Variants in EPB41L4A observed in about 807,000 individuals in gnomAD.
EPB41L4A encodes the protein erythrocyte membrane protein band 4.1 like 4A, also known as band 4.1-like protein 4A.
EPB41L4A carries 100 observed loss-of-function variants against 108.6 expected under a neutral mutation model. The ratio of observed to expected loss-of-function variants is 0.92; its 90% confidence interval spans 0.78 to 1.09. EPB41L4A has a LOEUF of 1.09. EPB41L4A is among the 50% of genes least tolerant of loss of function. EPB41L4A has a pLI of 0.00. For synonymous variants in EPB41L4A, 319 were observed against 289.0 expected (o/e 1.10, Z -1.05); for missense variants, 1,030 against 842.7 (o/e 1.22, Z -2.75).
intron 1 of EPB41L4A, among the ~76,000 whole-genome samples, chr5:112,385,005 G>T (rs529268029): frequency 3.3e-5 from 5 of 152,302 alleles, no homozygotes; most frequent in African/African-American, 1.2e-4. Context: ...CCCACTTCAG[G>T]AAGACACTGG....
chr5:112,196,112 C>A (rs1377520799), intron 15 of EPB41L4A, among the ~76,000 whole-genome samples: 1 of 152,132 alleles, frequency 6.6e-6, no homozygotes, highest in Non-Finnish European at 1.5e-5. Context: ...AACTCAGCAA[C>A]CTACCTCATA....
intron 1 of EPB41L4A, among the ~76,000 whole-genome samples, chr5:112,365,048 C>T (rs186036201): frequency 9.2e-5 from 14 of 152,192 alleles, no homozygotes; most frequent in South Asian, 2.1e-4. Flanking sequence ...CTTGTTTGAC[C>T]GCTGTGTTTC....
rs1561444719 is a variant in EPB41L4A at position 112,169,010 on chromosome 5, A to T, written c.1835T>A (p.Val612Asp). 6.2e-7 allele frequency: 1 copy of T among 1,613,564 alleles called. No homozygotes were observed. The change falls in exon 21 of 23, where the codon GTT (valine) becomes GAT (aspartate). Residue 612 changes from valine (V) to aspartate (D), a missense_variant. Coordinates refer to ENST00000261486, the MANE Select transcript of EPB41L4A (RefSeq NM_022140.5). ...GCCCACTTACTTCACTTCCGAGAGA[A>T]CTGATCGCTCCCCATCTGAACACTG... is the stretch of plus-strand genomic sequence containing the variant. ...RSQCSDGERS[V>D]LSEVNSKTDL...
chr5:112,274,583 CT>C (rs758805439), intron 4 of EPB41L4A, among the ~76,000 whole-genome samples: 7 of 152,142 alleles, frequency 4.6e-5, no homozygotes, highest in Non-Finnish European at 1.0e-4. Context: ...AGGTATTAGG[CT>C]TTATTTTAGC....
At chr5:112,143,881 C>T (rs1268703615) in intron 13 of EPB41L4A, 3 of 455,438 alleles carry the variant, frequency 6.6e-6, no homozygotes, top group Admixed American at 2.4e-5. Context: ...AGAGTCTGCA[C>T]TGAAGACATA....
At chr5:112,274,448 C>T (rs1411922533) in intron 4 of EPB41L4A, among the ~76,000 whole-genome samples, 1 of 152,170 alleles carries the variant, frequency 6.6e-6, no homozygotes, top group African/African-American at 2.4e-5. Flanking sequence ...AATTAGCCTA[C>T]CCTCTTCTTA....
Position 112,204,444 on chromosome 5 carries a change from A to T in EPB41L4A, c.1307T>A (p.Phe436Tyr). ...SPSDRTKSPK[F>Y]PYTRRRNPSC... ...GGGGTTTCGGCGACGCGTGTAAGGGAACTTTGGCGACTTAGTGCGATCACT... is the reference window on the plus strand; with the variant it reads ...GGGGTTTCGGCGACGCGTGTAAGGGTACTTTGGCGACTTAGTGCGATCACT... Residue 436 changes from phenylalanine (F) to tyrosine (Y), a missense_variant, in exon 15 of 23, where the codon TTC becomes TAC. Transcript: ENST00000261486. 6.2e-7 allele frequency: 1 copy of T among 1,613,902 alleles called. No homozygotes were observed.
At chr5:112,227,557 A>T (rs1748556244) in intron 12 of EPB41L4A, among the ~76,000 whole-genome samples, 1 of 152,190 alleles carries the variant, frequency 6.6e-6, no homozygotes, top group Admixed American at 6.5e-5. Flanking sequence ...TTACATGTCT[A>T]GTACATGGAT....
intron 9 of EPB41L4A, among the ~76,000 whole-genome samples, chr5:112,258,491 T>C (rs909541885): frequency 6.6e-6 from 1 of 152,242 alleles, no homozygotes; most frequent in Admixed American, 6.5e-5. Context: ...ATGTATCCCA[T>C]AAATATGGAT....
At chr5:112,184,190 G>A in intron 17 of EPB41L4A, 55 bp from the exon 18 acceptor site, 2 of 1,593,742 alleles carry the variant, frequency 1.3e-6, no homozygotes, top group South Asian at 1.1e-5. Flanking sequence ...GCGCGTTTTA[G>A]GTTCATCCTA....
At chr5:112,171,336 G>A (rs956260317) in intron 18 of EPB41L4A, among the ~76,000 whole-genome samples, 18 of 152,134 alleles carry the variant, frequency 1.2e-4, no homozygotes, top group Non-Finnish European at 5.9e-5. Context: ...ATATTTGTAA[G>A]TAATGGTAAA....
intron 13 of EPB41L4A, among the ~76,000 whole-genome samples, 184 bp downstream of exon 13, chr5:112,209,708 G>A (rs889851438): frequency 6.6e-6 from 1 of 152,174 alleles, no homozygotes; most frequent in African/African-American, 2.4e-5. Context: ...AAGAGAGTCA[G>A]GTCCTGATGT....
chr5:112,252,799 C>T (rs921156284), intron 9 of EPB41L4A, among the ~76,000 whole-genome samples: 2 of 151,748 alleles, frequency 1.3e-5, no homozygotes, highest in African/African-American at 2.4e-5. Context: ...CACAATATAC[C>T]CATGTAACAA....
At position 112,332,212 on chromosome 5, in the gene EPB41L4A, CT is replaced by C. The variant is rs1284760812; in HGVS notation, c.100-24723del. ...GATAGTGAGAAGAATAAAACACAGT[CT>C]TTTTGTTTTTAGTTCTCTATTCCTA... is the stretch of plus-strand genomic sequence containing the variant. On this transcript the variant is annotated intron_variant, in intron 1 of 22. Coordinates refer to ENST00000261486, the MANE Select transcript of EPB41L4A (RefSeq NM_022140.5). 4.6e-5 allele frequency among the ~76,000 whole-genome samples: 7 copies of C among 152,298 alleles called. No individual in the cohort carries two copies. In the East Asian group the frequency reaches 1.4e-3, roughly 29 times the overall value.
intron 1 of EPB41L4A, among the ~76,000 whole-genome samples, chr5:112,345,593 A>C (rs1398125515): frequency 6.6e-6 from 1 of 152,088 alleles, no homozygotes; most frequent in East Asian, 1.9e-4. Context: ...ATACAATGAA[A>C]TGTACAAATC....
At chr5:112,260,453 T>A (rs1230512407) in intron 7 of EPB41L4A, among the ~76,000 whole-genome samples, 1 of 152,230 alleles carries the variant, frequency 6.6e-6, no homozygotes, top group African/African-American at 2.4e-5. Flanking sequence ...CTGGCATCTA[T>A]CAAGGGTGCT....
chr5:112,218,445 C>A (rs1034559164), intron 12 of EPB41L4A, among the ~76,000 whole-genome samples: 1 of 152,160 alleles, frequency 6.6e-6, no homozygotes, highest in African/African-American at 2.4e-5. Flanking sequence ...AGTGGTACTC[C>A]TGGTGCCCTC....
chr5:112,177,817 A>G (rs1354165610), intron 18 of EPB41L4A, among the ~76,000 whole-genome samples: 1 of 152,184 alleles, frequency 6.6e-6, no homozygotes, highest in African/African-American at 2.4e-5. Flanking sequence ...AAAAATAATA[A>G]AAGTATAGGT....
At chr5:112,277,535 AC>A (rs1752694335) in intron 3 of EPB41L4A, among the ~76,000 whole-genome samples, 1 of 152,148 alleles carries the variant, frequency 6.6e-6, no homozygotes, top group South Asian at 2.1e-4. Context: ...TTGATTCTCA[AC>A]AACAAAAACT....
Sources: gnomAD v4.1 joint callset for allele counts (sites outside exome capture counted in the v4.1 genomes callset) on GRCh38, gnomAD v4.1.1 for gene constraint, MANE v1.5 for transcripts, NCBI Gene and HGNC (gene_info 2026-07-23, HGNC 2026-07-21) for gene names.